Variants in NRG1 observed in about 807,000 individuals in gnomAD.
NRG1 encodes the protein pro-neuregulin-1, membrane-bound isoform.
In NRG1, 18 loss-of-function variants were observed where a neutral mutation model predicts 63.8. The ratio of observed to expected loss-of-function variants is 0.28; its 90% CI spans 0.19 to 0.42. The LOEUF (loss-of-function observed/expected upper bound fraction) is 0.42, where lower values mean the gene tolerates loss of function less well. NRG1 is among the 10% of genes least tolerant of loss of function. The pLI is 1.00. For synonymous variants in NRG1, 302 were observed against 301.3 expected (o/e 1.00, Z -0.02); for missense variants, 762 against 814.7 (o/e 0.94, Z 0.79).
At chr8:31,872,095 A>G (rs780325819) in intron 1 of NRG1, among the ~76,000 whole-genome samples, 3 of 152,190 alleles carry the variant, frequency 2.0e-5, no homozygotes, top group Non-Finnish European at 4.4e-5. Context: ...CACAACATCT[A>G]ACATTGTAAT....
chr8:32,380,297 G>C (rs969630650), intron 1 of NRG1, among the ~76,000 whole-genome samples: 1 of 152,006 alleles, frequency 6.6e-6, no homozygotes, highest in African/African-American at 2.4e-5. Flanking sequence ...TCTCCTCGTA[G>C]ATTCTTCTTC....
chr8:32,764,257 A>C (rs1589664718), exon 12 of NRG1: 1 of 1,613,694 alleles, frequency 6.2e-7, no homozygotes, highest in Non-Finnish European at 8.5e-7. Context: ...GGCATACAGA[A>C]CCCCCTGGCA....
intron 1 of NRG1, among the ~76,000 whole-genome samples, chr8:32,126,621 A>C (rs1834099930): frequency 6.6e-6 from 1 of 151,868 alleles, no homozygotes; most frequent in Non-Finnish European, 1.5e-5. Context: ...TCTCTATCCA[A>C]GTGGTGACAT....
chr8:32,507,999 A>G (rs1316566727), intron 1 of NRG1, among the ~76,000 whole-genome samples: 2 of 152,160 alleles, frequency 1.3e-5, no homozygotes, highest in African/African-American at 2.4e-5. Flanking sequence ...TACCCAGACT[A>G]CAAAAATGTA....
chr8:32,267,084 G>C (rs958374119), intron 1 of NRG1, among the ~76,000 whole-genome samples: 2 of 141,800 alleles, frequency 1.4e-5, no homozygotes, highest in African/African-American at 5.2e-5. Context: ...AAGAGAGAGA[G>C]AAAGAGAGAG....
chr8:32,725,017 A>G (rs1821712558), intron 5 of NRG1, among the ~76,000 whole-genome samples: 1 of 152,172 alleles, frequency 6.6e-6, no homozygotes, highest in Non-Finnish European at 1.5e-5. Context: ...AGTTTTTAAC[A>G]TATTTGTTAA....
At chr8:31,893,679 T>G (rs1286118362) in intron 1 of NRG1, among the ~76,000 whole-genome samples, 5 of 112,904 alleles carry the variant, frequency 4.4e-5, no homozygotes, top group African/African-American at 1.0e-4. Flanking sequence ...AATAATATGT[T>G]CTATGATTAA....
At chr8:32,055,423 A>G (rs973380237) in intron 1 of NRG1, among the ~76,000 whole-genome samples, 6 of 152,134 alleles carry the variant, frequency 3.9e-5, no homozygotes, top group Admixed American at 3.9e-4. Flanking sequence ...TAATAGATTT[A>G]TTATATGCTT....
At chr8:31,955,452 T>C (rs1303874854) in intron 1 of NRG1, among the ~76,000 whole-genome samples, 1 of 152,210 alleles carries the variant, frequency 6.6e-6, no homozygotes, top group Non-Finnish European at 1.5e-5. Context: ...GCACAAGTTC[T>C]AAGACAAAAG....
intron 1 of NRG1, among the ~76,000 whole-genome samples, chr8:32,541,376 A>G (rs1485660718): frequency 6.6e-6 from 1 of 152,170 alleles, no homozygotes; most frequent in Non-Finnish European, 1.5e-5. Flanking sequence ...TGGGCCAGGT[A>G]CAGAATATGA....
chr8:32,492,651 G>A (rs931928127), intron 1 of NRG1, among the ~76,000 whole-genome samples: 1 of 152,032 alleles, frequency 6.6e-6, no homozygotes, highest in Non-Finnish European at 1.5e-5. Flanking sequence ...GAAAGAGTAC[G>A]AACCCAAGAA....
At chr8:32,042,281 A>G (rs1478678903) in intron 1 of NRG1, among the ~76,000 whole-genome samples, 5 of 151,896 alleles carry the variant, frequency 3.3e-5, no homozygotes, top group Non-Finnish European at 7.4e-5. Context: ...GGTTGCTAGG[A>G]AAAAGAAAAA....
intron 1 of NRG1, among the ~76,000 whole-genome samples, chr8:32,015,619 C>G (rs1815399022): frequency 1.3e-5 from 2 of 152,078 alleles, no homozygotes; most frequent in South Asian, 4.1e-4. Context: ...CTTGTGCGCA[C>G]GTAAATCTCT....
intron 1 of NRG1, among the ~76,000 whole-genome samples, chr8:32,355,669 G>GA (rs34832764): frequency 0.54 from 80,403 of 148,750 alleles, 21,998 homozygotes; most frequent in South Asian, 0.6. Flanking sequence ...AAAGAAGGGG[G>GA]AAAAAAAAAA....
intron 1 of NRG1, among the ~76,000 whole-genome samples, chr8:32,203,301 G>A (rs561496531): frequency 5.3e-5 from 8 of 151,466 alleles, no homozygotes; most frequent in African/African-American, 1.7e-4. Flanking sequence ...AGGAATCTAC[G>A]GAGTGTGGAA....
At chr8:32,084,477 A>C (rs1027963949) in intron 1 of NRG1, among the ~76,000 whole-genome samples, 4 of 152,166 alleles carry the variant, frequency 2.6e-5, no homozygotes, top group East Asian at 1.9e-4. Context: ...TGTGCCATCT[A>C]TACACAACCA....
intron 1 of NRG1, among the ~76,000 whole-genome samples, chr8:31,880,155 C>T (rs1302697260): frequency 1.3e-5 from 2 of 152,176 alleles, no homozygotes; most frequent in South Asian, 2.1e-4. Context: ...GCAGAACTAC[C>T]GTTTGACCCA....
intron 1 of NRG1, among the ~76,000 whole-genome samples, chr8:32,576,268 GT>G (rs1302041225): frequency 2.0e-5 from 3 of 152,080 alleles, no homozygotes; most frequent in African/African-American, 2.4e-5. Context: ...ATGGAAGGAG[GT>G]GTCTAGCTCA....
rs1231305724 is a variant in NRG1, at chr8:32,640,622, A to G, written c.502+23737A>G. 3.0e-4 allele frequency among the ~76,000 whole-genome samples: 14 copies of G among 47,158 alleles called. No homozygotes were observed. In the South Asian group the frequency reaches 4.6e-3, roughly 16 times the overall value. The allele number at this position is 47,158 out of a possible 152,430, so 30.9% of individuals were successfully genotyped here. On this transcript the variant is annotated intron_variant, in intron 5 of 11. Transcript: ENST00000356819. The stretch of plus-strand genomic sequence containing the variant: ...TTCATCCCAAAGATCTCAGACCCGC[A>G]CACACACACACACACACACACACAC...
Sources: gnomAD v4.1 joint callset for allele counts (sites outside exome capture counted in the v4.1 genomes callset) on GRCh38, gnomAD v4.1.1 for gene constraint, MANE v1.5 for transcripts, NCBI Gene and HGNC (gene_info 2026-07-23, HGNC 2026-07-21) for gene names.